The following MCUB variants were observed in gnomAD, a reference collection of about 807,000 sequenced individuals.
MCUB encodes the protein calcium uniporter regulatory subunit MCUb, mitochondrial.
MCUB carries 46 observed loss-of-function variants against 41.4 expected under a neutral mutation model. The observed-to-expected ratio is 1.11, with a 90% CI of 0.88 to 1.42. The LOEUF is 1.42. Ranked by LOEUF, MCUB falls within the 40% of genes most tolerant of loss-of-function variation. The probability of loss-of-function intolerance (pLI) is 0.00; values close to 1 mark genes in which losing one functional copy is unlikely to be tolerated. For synonymous variants in MCUB, 148 were observed against 148.2 expected (o/e 1.00, Z 0.01); for missense variants, 403 against 404.9 (o/e 1.00, Z 0.04).
chr4:109,658,748 A>T (rs1024153791), intron 1 of MCUB, among the ~76,000 whole-genome samples: 1 of 152,160 alleles, frequency 6.6e-6, no homozygotes, highest in Non-Finnish European at 1.5e-5. Flanking sequence ...ACAGAACTCT[A>T]GGATTTTCAG....
intron 1 of MCUB, among the ~76,000 whole-genome samples, chr4:109,604,838 G>A (rs1727835268): frequency 6.6e-6 from 1 of 152,118 alleles, no homozygotes; most frequent in African/African-American, 2.4e-5. Context: ...ATTTGCATAT[G>A]TCAAACCATG....
intron 1 of MCUB, among the ~76,000 whole-genome samples, chr4:109,643,995 T>C (rs930471971): frequency 3.9e-5 from 6 of 152,198 alleles, no homozygotes; most frequent in African/African-American, 1.2e-4. Flanking sequence ...GGAGCCTCGC[T>C]GAACCTATTC....
Position 109,619,870 on chromosome 4 carries a change from G to A in MCUB, c.100-39141G>A, listed in dbSNP as rs564694284. On this transcript the variant is annotated intron_variant, in intron 1 of 7. Transcript: ENST00000394650. ...CACAAGCCTGCTCATCTTTAATGCTGTGTCAGCCTTGTGAAGTAGGTACTG... is the reference window on the plus strand; with the variant it reads ...CACAAGCCTGCTCATCTTTAATGCTATGTCAGCCTTGTGAAGTAGGTACTG... Among the ~76,000 whole-genome samples, 6 of 152,314 alleles carry A rather than the reference G, an allele frequency of 3.9e-5. No individual in the cohort carries two copies. In the South Asian group the frequency reaches 1.2e-3, roughly 32 times the overall value.
At chr4:109,629,119 CTTTT>C (rs1433779764) in intron 1 of MCUB, among the ~76,000 whole-genome samples, 1 of 151,970 alleles carries the variant, frequency 6.6e-6, no homozygotes, top group Non-Finnish European at 1.5e-5. Flanking sequence ...TAGAACTTTT[CTTTT>C]ATTTTTTCTA....
chr4:109,652,057 G>A (rs1728973216), intron 1 of MCUB, among the ~76,000 whole-genome samples: 1 of 152,190 alleles, frequency 6.6e-6, no homozygotes, highest in Non-Finnish European at 1.5e-5. Flanking sequence ...GTACATGGCT[G>A]TTTTGTAAAT....
chr4:109,659,367 A>G (rs1198954293), intron 2 of MCUB, among the ~76,000 whole-genome samples: 2 of 152,130 alleles, frequency 1.3e-5, no homozygotes, highest in South Asian at 2.1e-4. Context: ...CGGCAGGCGG[A>G]TCACTTCAGC....
chr4:109,605,019 G>A (rs570087632), intron 1 of MCUB, among the ~76,000 whole-genome samples: 1 of 152,118 alleles, frequency 6.6e-6, no homozygotes, highest in Non-Finnish European at 1.5e-5. Context: ...TGGTATCAGG[G>A]TAATACCAGC....
chr4:109,596,016 C>T lies in MCUB; in HGVS notation c.99+35580C>T, dbSNP rs1727548494. Among the ~76,000 whole-genome samples, 3 of 132,800 alleles carry T rather than the reference C, an allele frequency of 2.3e-5. No individual in the cohort carries two copies. The Admixed American group carries it at 2.3e-4, about 10-fold the overall frequency. 87.1% of individuals were successfully genotyped at this position (132,800 alleles called of 152,430 possible). On this transcript the variant is annotated intron_variant, in intron 1 of 7. Coordinates refer to ENST00000394650, the MANE Select transcript of MCUB (RefSeq NM_017918.5). ...AGCCCCACCTACCAGTAAGGCCAGC[C>T]TCTTATCCTTCACCTGGGGCTGCAC...
At position 109,571,348 on chromosome 4, in the gene MCUB, T is replaced by C. The variant is rs537280589; in HGVS notation, c.99+10912T>C. 2.6e-5 allele frequency among the ~76,000 whole-genome samples: 4 copies of C among 152,294 alleles called. No homozygotes were observed. In the South Asian group the frequency reaches 8.3e-4, roughly 32 times the overall value. ...ATTTATTTGAGACTGAGTCTCACTCTGTCACCCAGGCTGGGGTGCAGTGGT... is the reference window on the plus strand; with the variant it reads ...ATTTATTTGAGACTGAGTCTCACTCCGTCACCCAGGCTGGGGTGCAGTGGT... On this transcript the variant is annotated intron_variant, in intron 1 of 7. Transcript: ENST00000394650.
At chr4:109,609,080 T>C (rs1289859735) in intron 1 of MCUB, among the ~76,000 whole-genome samples, 1 of 149,852 alleles carries the variant, frequency 6.7e-6, no homozygotes, top group Non-Finnish European at 1.5e-5. Flanking sequence ...TCTCTCTCTC[T>C]CTGTGCTGAG....
chr4:109,621,632 CAGA>C (rs772203069), intron 1 of MCUB, among the ~76,000 whole-genome samples: 2 of 152,146 alleles, frequency 1.3e-5, no homozygotes, highest in Non-Finnish European at 2.9e-5. Flanking sequence ...TGGCCGTACA[CAGA>C]AGAAATAAAG....
chr4:109,636,831 T>A (rs1728607097), intron 1 of MCUB, among the ~76,000 whole-genome samples: 1 of 152,096 alleles, frequency 6.6e-6, no homozygotes, highest in Non-Finnish European at 1.5e-5. Context: ...TGAGACTCCA[T>A]CTCAAAAAAC....
chr4:109,674,969 C>A (rs1310610754), intron 4 of MCUB, among the ~76,000 whole-genome samples: 3 of 152,042 alleles, frequency 2.0e-5, no homozygotes, highest in African/African-American at 7.2e-5. Flanking sequence ...GACAGTATAC[C>A]CAAACTTTTA....
chr4:109,645,544 T>G (rs1284908850), intron 1 of MCUB, among the ~76,000 whole-genome samples: 1 of 151,984 alleles, frequency 6.6e-6, no homozygotes, highest in Non-Finnish European at 1.5e-5. Flanking sequence ...ATGAGTTGAT[T>G]TGTATCCTCT....
intron 1 of MCUB, among the ~76,000 whole-genome samples, chr4:109,563,282 A>G (rs1021091525): frequency 5.3e-5 from 8 of 152,204 alleles, no homozygotes; most frequent in Non-Finnish European, 1.0e-4. Context: ...AAAAATTTTT[A>G]CATCAAGCAC....
intron 1 of MCUB, among the ~76,000 whole-genome samples, chr4:109,597,807 T>C: frequency 6.7e-6 from 1 of 148,996 alleles, no homozygotes; most frequent in East Asian, 2.0e-4. Flanking sequence ...ACGGGGCAGC[T>C]GCTGGGCAGA....
intron 1 of MCUB, chr4:109,648,694 A>AT (rs34522361): frequency 0.16 from 37,987 of 238,432 alleles, 1,749 homozygotes; most frequent in African/African-American, 0.26. Context: ...TAGCAGTTTG[A>AT]TTTTTTTTTT....
intron 1 of MCUB, among the ~76,000 whole-genome samples, chr4:109,644,609 T>C (rs1200327323): frequency 6.6e-6 from 1 of 152,222 alleles, no homozygotes; most frequent in Admixed American, 6.5e-5. Context: ...ATTCTCATTT[T>C]AGAAAATGTG....
chr4:109,603,195 G>T lies in MCUB; in HGVS notation c.99+42759G>T, dbSNP rs551906459. On this transcript the variant is annotated intron_variant, in intron 1 of 7. Transcript: ENST00000394650. ...GATCTCGGCTCACTGCAACCTCCCT[G>T]CCTGATTCTCCTGCCTCAGCCTGCC... Among the ~76,000 whole-genome samples, 61 of 152,258 alleles carry T rather than the reference G, an allele frequency of 4.0e-4. 1 individual carries two copies. The highest frequency in any genetic ancestry group is 1.3e-3 in the Admixed American group (20 of 15,298).
Sources: allele counts gnomAD v4.1 joint callset (sites outside exome capture counted in the v4.1 genomes callset), GRCh38; gene constraint gnomAD v4.1.1; transcripts MANE v1.5; gene names NCBI Gene and HGNC (gene_info 2026-07-23, HGNC 2026-07-21).